The following ASIC2 variants were observed in gnomAD, a reference collection of about 807,000 sequenced individuals.
ASIC2 encodes the protein acid-sensing ion channel 2.
ASIC2 carries 25 observed loss-of-function variants against 57.3 expected under a neutral mutation model. The ratio of observed to expected loss-of-function variants is 0.44; its 90% CI spans 0.32 to 0.61. The LOEUF (loss-of-function observed/expected upper bound fraction) is 0.61. ASIC2 is among the 20% of genes least tolerant of loss of function. The pLI is 0.06. For missense variants in ASIC2, 641 were observed against 738.1 expected, an observed-to-expected ratio of 0.87 and a Z score of 1.52; for synonymous variants, 319 against 307.5, an observed-to-expected ratio of 1.04 and a Z score of -0.39.
intron 1 of ASIC2, among the ~76,000 whole-genome samples, chr17:33,273,819 G>A (rs1904600805): frequency 6.6e-6 from 1 of 152,032 alleles, no homozygotes; most frequent in Non-Finnish European, 1.5e-5. Context: ...TTGGGGGGCC[G>A]GAGAGGGGCA....
chr17:33,851,398 C>T (rs1054312343), intron 1 of ASIC2, among the ~76,000 whole-genome samples: 14 of 151,894 alleles, frequency 9.2e-5, no homozygotes, highest in South Asian at 2.1e-4. Context: ...TACTGACTGA[C>T]GTAAGTGCAG....
chr17:33,994,499 T>C (rs1171693454), intron 1 of ASIC2, among the ~76,000 whole-genome samples: 1 of 152,104 alleles, frequency 6.6e-6, no homozygotes, highest in African/African-American at 2.4e-5. Flanking sequence ...CAATATCTAC[T>C]CAGTAATTGC....
chr17:33,082,784 A>G (rs1003823525), intron 3 of ASIC2, among the ~76,000 whole-genome samples: 4 of 152,304 alleles, frequency 2.6e-5, no homozygotes, highest in African/African-American at 9.6e-5. Context: ...GGTGATGTCA[A>G]CGTTGAAGAC....
intron 1 of ASIC2, among the ~76,000 whole-genome samples, chr17:33,429,142 T>G (rs763397243): frequency 9.9e-5 from 15 of 152,190 alleles, no homozygotes; most frequent in Non-Finnish European, 1.6e-4. Context: ...TAGTACCAAC[T>G]TGCATCTGTG....
chr17:33,662,662 A>AATAAATAC lies in ASIC2; in HGVS notation c.555+493315_555+493316insGTATTTAT, dbSNP rs1555550508. Among the ~76,000 whole-genome samples the AATAAATAC allele has an allele frequency of 6.0e-5, 6 of 99,192 alleles. No homozygotes were observed. The South Asian group carries it at 1.7e-3, about 27-fold the overall frequency. The allele number at this position is 99,192 out of a possible 152,430, so 65.1% of individuals were successfully genotyped here. On this transcript the variant is annotated intron_variant, in intron 1 of 9. Coordinates refer to the ASIC2 transcript ENST00000359872. The stretch of plus-strand genomic sequence containing the variant: ...AAATAAATAAATAAATAAATAAATA[A>AATAAATAC]ATAAATAAGTAAAATAAAAAATGAA...
intron 1 of ASIC2, among the ~76,000 whole-genome samples, chr17:34,089,800 T>A (rs1276159629): frequency 6.6e-6 from 1 of 152,130 alleles, no homozygotes; most frequent in African/African-American, 2.4e-5. Flanking sequence ...GACCTCCACC[T>A]GCCTTTTTCT....
At chr17:33,552,595 C>T (rs918407473) in intron 1 of ASIC2, among the ~76,000 whole-genome samples, 6 of 152,172 alleles carry the variant, frequency 3.9e-5, no homozygotes, top group Non-Finnish European at 8.8e-5. Context: ...CAATATCTGC[C>T]TGAAAGGCTG....
At chr17:33,170,202 G>A (rs111999557) in intron 1 of ASIC2, among the ~76,000 whole-genome samples, 1,618 of 152,248 alleles carry the variant, frequency 0.011, 31 homozygotes, top group African/African-American at 0.037. Flanking sequence ...GAAATGTCTG[G>A]CAGGGCAAGT....
intron 2 of ASIC2, among the ~76,000 whole-genome samples, chr17:33,111,246 G>C (rs944077135): frequency 3.9e-5 from 6 of 152,202 alleles, no homozygotes; most frequent in Admixed American, 1.3e-4. Flanking sequence ...CCCTGTGATT[G>C]TGTCTCTTCC....
chr17:33,787,390 G>A (rs1282580844), intron 1 of ASIC2, among the ~76,000 whole-genome samples: 2 of 152,186 alleles, frequency 1.3e-5, no homozygotes, highest in Non-Finnish European at 2.9e-5. Flanking sequence ...GAGGGAAGAT[G>A]GAATATCTAG....
chr17:33,547,208 A>G (rs1038354901), intron 1 of ASIC2, among the ~76,000 whole-genome samples: 3 of 152,122 alleles, frequency 2.0e-5, no homozygotes, highest in Non-Finnish European at 4.4e-5. Context: ...CAGCACAGAC[A>G]CAACATGGAA....
chr17:33,052,566 C>A (rs1322239831), intron 3 of ASIC2: 2 of 152,322 alleles, frequency 1.3e-5, no homozygotes, highest in African/African-American at 2.4e-5. Context: ...ATAAAACTCT[C>A]TCTTCAGGAT....
intron 1 of ASIC2, among the ~76,000 whole-genome samples, chr17:33,348,242 A>C (rs1193490388): frequency 6.6e-6 from 1 of 152,146 alleles, no homozygotes; most frequent in East Asian, 1.9e-4. Context: ...GAGACTGGTG[A>C]AGGGGGCTTT....
rs377337258 is a variant in ASIC2 at position 34,141,120 on chromosome 17, A to T, written c.555+14858T>A. 7.2e-5 allele frequency among the ~76,000 whole-genome samples: 11 copies of T among 152,180 alleles called. No individual in the cohort carries two copies. In the East Asian group the frequency reaches 1.4e-3, roughly 19 times the overall value. On this transcript the variant is annotated intron_variant, in intron 1 of 9. Coordinates refer to the ASIC2 transcript ENST00000359872. ...CAAGAGGAAACATTGAACAAACCAA[A>T]ATTGAAGATCATTGTGCAAGATGAC... is the stretch of plus-strand genomic sequence containing the variant.
chr17:33,173,312 G>T (rs1171960086), intron 1 of ASIC2, among the ~76,000 whole-genome samples: 2 of 152,144 alleles, frequency 1.3e-5, no homozygotes, highest in African/African-American at 4.8e-5. Context: ...GCCTGAATGT[G>T]TATGGAACAG....
At chr17:33,673,589 G>A (rs1328403201) in intron 1 of ASIC2, among the ~76,000 whole-genome samples, 1 of 152,154 alleles carries the variant, frequency 6.6e-6, no homozygotes, top group Non-Finnish European at 1.5e-5. Flanking sequence ...GAGCAGGAGA[G>A]GATTCCTACA....
intron 1 of ASIC2, among the ~76,000 whole-genome samples, chr17:33,306,125 C>T: frequency 6.6e-6 from 1 of 152,066 alleles, no homozygotes; most frequent in East Asian, 1.9e-4. Flanking sequence ...ACATTTTTTT[C>T]CCTGAAGGAA....
intron 1 of ASIC2, among the ~76,000 whole-genome samples, chr17:33,172,794 G>T (rs112499885): frequency 0.01 from 1,572 of 152,272 alleles, 30 homozygotes; most frequent in African/African-American, 0.036. Context: ...GGATTCTCAG[G>T]GCTTACTCTG....
At chr17:34,143,712 A>G (rs1912336261) in intron 1 of ASIC2, among the ~76,000 whole-genome samples, 1 of 152,186 alleles carries the variant, frequency 6.6e-6, no homozygotes, top group African/African-American at 2.4e-5. Flanking sequence ...CTTGTGAATG[A>G]AACTTTGCCT....
Sources: gnomAD v4.1 joint callset for allele counts (sites outside exome capture counted in the v4.1 genomes callset) on GRCh38, gnomAD v4.1.1 for gene constraint, MANE v1.5 for transcripts, NCBI Gene and HGNC (gene_info 2026-07-23, HGNC 2026-07-21) for gene names.